The following GABRG3 variants were observed in gnomAD, a reference collection of about 807,000 sequenced individuals.
The protein encoded by GABRG3 is gamma-aminobutyric acid receptor subunit gamma-3.
A neutral mutation model predicts 48.8 loss-of-function variants in GABRG3; 25 were observed. The observed-to-expected ratio is 0.51, with a 90% CI of 0.37 to 0.72. GABRG3 has a LOEUF of 0.72. Ranked by LOEUF, GABRG3 falls within the 30% of genes least tolerant of loss-of-function variation. GABRG3 has a pLI of 0.00. For missense variants in GABRG3, 394 were observed against 577.9 expected, an observed-to-expected ratio of 0.68 and a Z score of 3.26; for synonymous variants, 227 against 217.6, an observed-to-expected ratio of 1.04 and a Z score of -0.38.
At chr15:27,459,609 C>G (rs554535649) in intron 5 of GABRG3, among the ~76,000 whole-genome samples, 1 of 152,162 alleles carries the variant, frequency 6.6e-6, no homozygotes, top group South Asian at 2.1e-4. Context: ...TAAATTGTAT[C>G]TCAATAAACC....
At chr15:27,161,368 G>C (rs1887181190) in intron 3 of GABRG3, 2 of 152,130 alleles carry the variant, frequency 1.3e-5, no homozygotes, top group Non-Finnish European at 2.9e-5. Context: ...GTTTGCCTCT[G>C]TTCTCCTTGC....
intron 3 of GABRG3, among the ~76,000 whole-genome samples, chr15:27,177,971 A>G (rs1659858155): frequency 6.6e-6 from 1 of 152,136 alleles, no homozygotes; most frequent in Non-Finnish European, 1.5e-5. Context: ...AACTCACCTA[A>G]CAGGACTCTT....
chr15:27,248,633 A>G (rs1346506806), intron 3 of GABRG3, among the ~76,000 whole-genome samples: 1 of 152,126 alleles, frequency 6.6e-6, no homozygotes, highest in African/African-American at 2.4e-5. Flanking sequence ...TGTACTGCCC[A>G]CAGAGGTCTA....
At chr15:27,038,332 C>T (rs778064527) in intron 3 of GABRG3, among the ~76,000 whole-genome samples, 6 of 152,128 alleles carry the variant, frequency 3.9e-5, no homozygotes, top group African/African-American at 7.2e-5. Flanking sequence ...ATGTGAAGGA[C>T]GACCTTCCTT....
Position 27,162,930 on chromosome 15 carries a change from T to C in GABRG3, c.270+136109T>C, listed in dbSNP as rs577625577. On this transcript the variant is annotated intron_variant, in intron 3 of 9. Transcript: ENST00000615808. ...AGGGACTGCAGCTGTTTTTCTAAAA[T>C]GAAGAGCTCCACGTGATCACGTGGA... Among the ~76,000 whole-genome samples the C allele has an allele frequency of 2.6e-5, 4 of 152,004 alleles. No individual in the cohort carries two copies. The South Asian group carries it at 8.3e-4, about 32-fold the overall frequency.
intron 3 of GABRG3, among the ~76,000 whole-genome samples, chr15:27,215,056 A>G (rs1889202540): frequency 6.6e-6 from 1 of 152,194 alleles, no homozygotes; most frequent in Admixed American, 6.5e-5. Context: ...ATTTCTTTCC[A>G]TGGCCTTCAT....
chr15:27,336,232 G>A (rs1893964927), intron 5 of GABRG3, among the ~76,000 whole-genome samples: 1 of 128,446 alleles, frequency 7.8e-6, no homozygotes, highest in African/African-American at 3.9e-5. Flanking sequence ...GAGAGAGAGA[G>A]AGGAGAAGAA....
chr15:27,056,370 AAAAG>A lies in GABRG3; in HGVS notation c.270+29553_270+29556del, dbSNP rs1207227482. Among the ~76,000 whole-genome samples, 69 of 148,772 alleles carry A rather than the reference AAAAG, an allele frequency of 4.6e-4. 1 individual carries two copies. The highest frequency in any genetic ancestry group is 1.4e-3 in the African/African-American group (56 of 40,418). On this transcript the variant is annotated intron_variant, in intron 3 of 9. Transcript: ENST00000615808. ...CCTGTCTCCAAAAAAAAAAAAAAAA[AAAAG>A]AAAAGAAAAAAGAAAATAAACATAC... is the stretch of plus-strand genomic sequence containing the variant.
At chr15:27,532,350 G>A (rs931777997) in intron 9 of GABRG3, among the ~76,000 whole-genome samples, 1 of 150,328 alleles carries the variant, frequency 6.7e-6, no homozygotes, top group Non-Finnish European at 1.5e-5. Flanking sequence ...CTCTATACAG[G>A]GAAGCTTCCT....
At chr15:27,369,113 T>C (rs537489588) in intron 5 of GABRG3, among the ~76,000 whole-genome samples, 1 of 152,250 alleles carries the variant, frequency 6.6e-6, no homozygotes, top group African/African-American at 2.4e-5. Flanking sequence ...CTAAGCAACT[T>C]AATTACATGG....
chr15:27,226,258 C>A (rs1361862762), intron 3 of GABRG3, among the ~76,000 whole-genome samples: 1 of 152,122 alleles, frequency 6.6e-6, no homozygotes, highest in Non-Finnish European at 1.5e-5. Flanking sequence ...AGGTCCATAC[C>A]TCTCACTGCA....
At chr15:27,304,167 A>G (rs1566765721) in intron 3 of GABRG3, among the ~76,000 whole-genome samples, 1 of 151,992 alleles carries the variant, frequency 6.6e-6, no homozygotes, top group Non-Finnish European at 1.5e-5. Flanking sequence ...TCTTAAGCTT[A>G]GTGGCAAACT....
Position 27,472,678 on chromosome 15 carries a change from TAGTA to T in GABRG3, c.575-7969_575-7966del, listed in dbSNP as rs1277328805. On this transcript the variant is annotated intron_variant, in intron 5 of 9. Coordinates refer to ENST00000615808, the MANE Select transcript of GABRG3 (RefSeq NM_033223.5). ...CTAATATGTACAACGTAATGACAAA[TAGTA>T]AGGAAGGCAATGGATATGATCTTGC... Among the ~76,000 whole-genome samples the T allele has an allele frequency of 5.9e-5, 9 of 152,248 alleles. No homozygotes were observed. In the South Asian group the frequency reaches 1.9e-3, roughly 32 times the overall value.
chr15:27,140,581 G>T (rs1317181369), intron 3 of GABRG3, among the ~76,000 whole-genome samples: 2 of 151,524 alleles, frequency 1.3e-5, no homozygotes, highest in Non-Finnish European at 2.9e-5. Context: ...AGTCCTTTAG[G>T]TTTTTTTAAA....
At chr15:27,176,890 A>C (rs1351764257) in intron 3 of GABRG3, among the ~76,000 whole-genome samples, 1 of 152,160 alleles carries the variant, frequency 6.6e-6, no homozygotes, top group Non-Finnish European at 1.5e-5. Flanking sequence ...AAAATGCTAG[A>C]GATGAGATGC....
At chr15:27,046,614 T>G (rs1169728183) in intron 3 of GABRG3, among the ~76,000 whole-genome samples, 1 of 152,240 alleles carries the variant, frequency 6.6e-6, no homozygotes, top group Non-Finnish European at 1.5e-5. Flanking sequence ...AAGCTAATCC[T>G]TCCCACTTCT....
At chr15:27,427,185 A>G (rs772776800) in intron 5 of GABRG3, among the ~76,000 whole-genome samples, 2 of 152,204 alleles carry the variant, frequency 1.3e-5, no homozygotes, top group African/African-American at 4.8e-5. Flanking sequence ...TTGAGTTTTA[A>G]TCCTTTAATA....
chr15:27,315,759 T>C (rs1387470409), intron 3 of GABRG3, among the ~76,000 whole-genome samples: 2 of 152,258 alleles, frequency 1.3e-5, no homozygotes, highest in African/African-American at 4.8e-5. Context: ...GTTCACACTT[T>C]GCAAATAATT....
At chr15:27,011,421 GTCTCT>G (rs1322486326) in intron 2 of GABRG3, among the ~76,000 whole-genome samples, 2 of 151,894 alleles carry the variant, frequency 1.3e-5, no homozygotes, top group African/African-American at 4.8e-5. Flanking sequence ...TTATCTTTCA[GTCTCT>G]TCTCTTCATT....
Sources: allele counts gnomAD v4.1 joint callset (sites outside exome capture counted in the v4.1 genomes callset), GRCh38; gene constraint gnomAD v4.1.1; transcripts MANE v1.5; gene names NCBI Gene and HGNC (gene_info 2026-07-23, HGNC 2026-07-21).